The following TRHDE variants were observed in gnomAD, a reference collection of about 807,000 sequenced individuals.
TRHDE encodes thyrotropin-releasing hormone-degrading ectoenzyme.
In TRHDE, 72 loss-of-function variants were observed where a neutral mutation model predicts 125.7. The observed-to-expected ratio is 0.57, with a 90% CI of 0.47 to 0.70. The LOEUF (loss-of-function observed/expected upper bound fraction) is 0.70, where lower values mean the gene tolerates loss of function less well. TRHDE is among the 30% of genes least tolerant of loss of function. The pLI, the probability that TRHDE is intolerant of heterozygous loss-of-function variation, is 0.00. For missense variants in TRHDE, 1,110 were observed against 1,327.1 expected (o/e 0.84, Z 2.54); for synonymous variants, 509 against 509.1 (o/e 1.00, Z 0.00).
chr12:72,134,274 T>A (rs1417423285), intron 2 of TRHDE, among the ~76,000 whole-genome samples: 2 of 152,110 alleles, frequency 1.3e-5, no homozygotes, highest in Non-Finnish European at 2.9e-5. Flanking sequence ...TTAGGCTTCA[T>A]CCTACAAATA....
At chr12:72,288,745 A>G (rs541618811) in intron 2 of TRHDE, among the ~76,000 whole-genome samples, 4 of 152,028 alleles carry the variant, frequency 2.6e-5, no homozygotes, top group Non-Finnish European at 2.9e-5. Flanking sequence ...TAAGTGACCC[A>G]TGTTTTAAAG....
At chr12:72,304,156 C>T (rs1868304962) in intron 2 of TRHDE, among the ~76,000 whole-genome samples, 1 of 152,100 alleles carries the variant, frequency 6.6e-6, no homozygotes. Flanking sequence ...CCTTAATTTC[C>T]TCAAGTAATC....
intron 7 of TRHDE, among the ~76,000 whole-genome samples, chr12:72,556,931 C>T (rs1320886706): frequency 6.6e-6 from 1 of 152,176 alleles, no homozygotes; most frequent in Non-Finnish European, 1.5e-5. Flanking sequence ...GGCTGCTGTA[C>T]CCTGTCTCAC....
At chr12:72,576,521 T>C (rs1399798997) in intron 12 of TRHDE, among the ~76,000 whole-genome samples, 1 of 152,124 alleles carries the variant, frequency 6.6e-6, no homozygotes, top group African/African-American at 2.4e-5. Flanking sequence ...CATAGAAGAC[T>C]TGATAATTAC....
intron 6 of TRHDE, among the ~76,000 whole-genome samples, chr12:72,512,597 T>A (rs1878652145): frequency 7.1e-6 from 1 of 141,718 alleles, no homozygotes. Context: ...TCATATATAA[T>A]CATATATATA....
At chr12:72,508,629 T>A (rs1878454373) in intron 6 of TRHDE, among the ~76,000 whole-genome samples, 2 of 152,168 alleles carry the variant, frequency 1.3e-5, no homozygotes, top group African/African-American at 2.4e-5. Flanking sequence ...GTTTGCCTTA[T>A]CTCAGATGAG....
At chr12:72,514,447 G>A (rs958091466) in intron 6 of TRHDE, among the ~76,000 whole-genome samples, 1 of 144,750 alleles carries the variant, frequency 6.9e-6, no homozygotes, top group Admixed American at 6.9e-5. Flanking sequence ...TAAGAATATA[G>A]TAAATATGAC....
chr12:72,211,841 C>T (rs928059522), intron 2 of TRHDE, among the ~76,000 whole-genome samples: 2 of 152,120 alleles, frequency 1.3e-5, no homozygotes, highest in African/African-American at 4.8e-5. Context: ...GCATTTATAA[C>T]ATTATTTCAT....
At chr12:72,136,401 T>C (rs532005113) in intron 2 of TRHDE, among the ~76,000 whole-genome samples, 4 of 152,332 alleles carry the variant, frequency 2.6e-5, no homozygotes, top group African/African-American at 4.8e-5. Context: ...ATAGGCTACA[T>C]TGAAATGATA....
chr12:72,637,795 T>A (rs1269257968), intron 15 of TRHDE, among the ~76,000 whole-genome samples: 2 of 152,130 alleles, frequency 1.3e-5, no homozygotes, highest in Non-Finnish European at 2.9e-5. Flanking sequence ...TTGTTCAGTT[T>A]CCATGTAGTT....
In TRHDE at chr12:72,499,594, A is replaced by C; in HGVS notation, c.1681A>C (p.Thr561Pro). ...HPVSQEVLQA[T>P]DIDRVFDWIA... ...AGTATCACAGGAAGTGCTGCAGGCA[A>C]CAGATATTGACAGGGTGTTTGACTG... is the stretch of plus-strand genomic sequence containing the variant. The change falls in exon 6 of 19, where the codon ACA (threonine) becomes CCA (proline). Residue 561 changes from threonine (T) to proline (P), a missense_variant. Physicochemically the swap from Thr to Pro is conservative, Grantham distance 38. Around this residue, in one of 5 missense-constraint regions of TRHDE, gnomAD observed 527 missense variants for 651.8 expected, o/e 0.81. Coordinates refer to ENST00000261180, the MANE Select transcript of TRHDE (RefSeq NM_013381.3). The C allele has an allele frequency of 6.2e-7, 1 of 1,613,894 alleles. No homozygotes were observed. The highest frequency in any genetic ancestry group is 8.5e-7 in the Non-Finnish European group (1 of 1,179,844).
At chr12:72,175,864 G>C (rs1232740669) in intron 2 of TRHDE, among the ~76,000 whole-genome samples, 1 of 152,168 alleles carries the variant, frequency 6.6e-6, no homozygotes, top group Non-Finnish European at 1.5e-5. Context: ...TGTGAAGAAG[G>C]ATCAACTCTG....
At chr12:72,430,910 G>A (rs2135841861) in intron 3 of TRHDE, among the ~76,000 whole-genome samples, 1 of 151,982 alleles carries the variant, frequency 6.6e-6, no homozygotes, top group Admixed American at 6.6e-5. Context: ...ACTAATTTAG[G>A]TATTTAATAG....
intron 2 of TRHDE, among the ~76,000 whole-genome samples, chr12:72,232,782 T>C (rs1878271498): frequency 6.6e-6 from 1 of 152,118 alleles, no homozygotes; most frequent in Admixed American, 6.6e-5. Flanking sequence ...TTTTTCTAAA[T>C]AACACCTTTA....
chr12:72,289,032 A>C (rs1291881490), intron 2 of TRHDE, among the ~76,000 whole-genome samples: 1 of 152,044 alleles, frequency 6.6e-6, no homozygotes, highest in Admixed American at 6.6e-5. Context: ...TTTTTCTGTC[A>C]CTGTTTTGAA....
chr12:72,228,913 C>T (rs564806295), intron 2 of TRHDE, among the ~76,000 whole-genome samples: 18 of 152,310 alleles, frequency 1.2e-4, no homozygotes, highest in African/African-American at 3.9e-4. Context: ...ACAAGTTCCT[C>T]ATCTCCATCT....
chr12:72,544,838 A>G (rs1463241390), intron 7 of TRHDE, among the ~76,000 whole-genome samples: 1 of 151,512 alleles, frequency 6.6e-6, no homozygotes, highest in Non-Finnish European at 1.5e-5. Context: ...TCACATACTC[A>G]TATTTAACTT....
intron 2 of TRHDE, among the ~76,000 whole-genome samples, chr12:72,358,292 C>T (rs1870912909): frequency 2.0e-5 from 3 of 151,566 alleles, no homozygotes; most frequent in South Asian, 4.2e-4. Context: ...AGCAACCCCT[C>T]CTCTTTCTTC....
At chr12:72,634,104 T>C (rs1042003527) in intron 15 of TRHDE, among the ~76,000 whole-genome samples, 7 of 152,096 alleles carry the variant, frequency 4.6e-5, no homozygotes, top group African/African-American at 1.7e-4. Context: ...TGGACAGACA[T>C]CTCATTTAAT....
Sources: allele counts gnomAD v4.1 joint callset (sites outside exome capture counted in the v4.1 genomes callset), GRCh38; gene constraint gnomAD v4.1.1; regional missense constraint gnomAD v4.1.1; transcripts MANE v1.5; gene names NCBI Gene and HGNC (gene_info 2026-07-23, HGNC 2026-07-21).